ESPL1: variants seen among roughly 807,000 people sequenced by gnomAD.
The protein encoded by ESPL1 is extra spindle pole bodies like 1, separase.
A neutral mutation model predicts 217.2 loss-of-function variants in ESPL1; 50 were observed. The observed-to-expected ratio is 0.23, with a 90% CI of 0.18 to 0.29. ESPL1 has a LOEUF of 0.29. ESPL1 is among the 10% of genes least tolerant of loss of function. ESPL1 has a pLI of 1.00. For synonymous variants in ESPL1, 994 were observed against 1,081.3 expected (o/e 0.92, Z 1.58); for missense variants, 1,834 against 2,603.0 (o/e 0.70, Z 6.43).
intron 25 of ESPL1, among the ~76,000 whole-genome samples, chr12:53,291,291 C>T (rs1367039426): frequency 1.5e-5 from 2 of 133,692 alleles, no homozygotes; most frequent in Non-Finnish European, 3.2e-5. Context: ...AGTGAGACTC[C>T]ATCTCAAAAA....
In ESPL1 at chr12:53,288,171, A is replaced by C. The variant is rs746968098; in HGVS notation, c.4376A>C (p.Lys1459Thr). 2 of 1,612,598 alleles carry C rather than the reference A, an allele frequency of 1.2e-6. 1 individual carries two copies. Among genetic ancestry groups the C allele is most frequent in the South Asian group, 2.2e-5 (2 of 90,922 alleles). Residue 1459 changes from lysine (K) to threonine (T), a missense_variant, in exon 19 of 31, where the codon AAG (lysine) becomes ACG (threonine). Physicochemically the swap from Lys to Thr is moderately conservative, Grantham distance 78. This residue lies in a region of ESPL1 where 681 missense variants were observed against 808.0 expected (regional missense o/e 0.84). Transcript: ENST00000257934. Reference protein sequence around the residue: ...PGLNGRSRRAKKVASRHCEER... With the variant: ...PGLNGRSRRATKVASRHCEER... ...CTGAATGGCAGGAGCCGGAGGGCCAAGAAGGTGGCATCAAGACATTGTGAG... is the reference window on the plus strand; with the variant it reads ...CTGAATGGCAGGAGCCGGAGGGCCACGAAGGTGGCATCAAGACATTGTGAG...
At chr12:53,274,514 G>A in intron 6 of ESPL1, 1 of 270,090 alleles carries the variant, frequency 3.7e-6, no homozygotes. Flanking sequence ...CATCAGAGAT[G>A]GCCCCACATT....
At chr12:53,273,088 T>A (rs2120888725) in intron 6 of ESPL1, among the ~76,000 whole-genome samples, 1 of 147,722 alleles carries the variant, frequency 6.8e-6, no homozygotes, top group East Asian at 2.0e-4. Context: ...CAGGCTGGAG[T>A]GCAGTGGCAC....
chr12:53,289,545 C>T lies in ESPL1; in HGVS notation c.5064C>T (p.Pro1688=), dbSNP rs748972297. 1.2e-6 allele frequency: 2 copies of T among 1,614,194 alleles called. No homozygotes were observed. The highest frequency in any genetic ancestry group is 2.2e-5 in the East Asian group (1 of 44,878). ...GGGCTTTGGAATCTGGCCACTTCCC[C>T]CAGCCTGAAAAGGAGAGTTTCCAGG... ...SFRALESGHF[P]QPEKESFQER... The change falls in exon 22 of 31, where the codon CCC becomes CCT. Residue 1688 remains proline (P), a synonymous_variant. Coordinates refer to ENST00000257934, the MANE Select transcript of ESPL1 (RefSeq NM_012291.5).
chr12:53,279,980 A>G (rs544901374), intron 12 of ESPL1, 114 bp downstream of exon 12: 1 of 1,208,570 alleles, frequency 8.3e-7, no homozygotes, highest in African/African-American at 1.6e-5. Context: ...TACCACCACA[A>G]CTGGCTGGAG....
In ESPL1 at chr12:53,278,902, C is replaced by T. The variant is rs527638237; in HGVS notation, c.2365-830C>T. ...CACCCAGCTTTCCGCCCCGCCCCCC[C>T]GCCGAGATAGAGTCTTGCTCTGTTA... On this transcript the variant is annotated intron_variant, in intron 11 of 30. Transcript: ENST00000257934. Among the ~76,000 whole-genome samples, 205 of 150,440 alleles carry T rather than the reference C, an allele frequency of 1.4e-3. 3 individuals carry two copies. The highest frequency in any genetic ancestry group is 4.0e-4 in the East Asian group (2 of 4,970).
intron 12 of ESPL1, 132 bp downstream of exon 12, chr12:53,279,998 G>T: frequency 9.3e-7 from 1 of 1,071,034 alleles, no homozygotes; most frequent in East Asian, 2.7e-5. Flanking sequence ...GAGAATTGTG[G>T]AGTGTGGAGC....
At position 53,288,163 on chromosome 12, in the gene ESPL1, G is replaced by A. The variant is rs1288937290; in HGVS notation, c.4368G>A (p.Arg1456=). 6.2e-7 allele frequency: 1 copy of A among 1,612,820 alleles called. No homozygotes were observed. The highest frequency in any genetic ancestry group is 1.7e-5 in the Admixed American group (1 of 59,786). The change falls in exon 19 of 31, where the codon CGG becomes CGA. Residue 1456 remains arginine, a synonymous_variant. Transcript: ENST00000257934. ...PGNPGLNGRS[R]RAKKVASRHC... is the part of the protein sequence containing the mutation. ...ACCCTGGCCTGAATGGCAGGAGCCG[G>A]AGGGCCAAGAAGGTGGCATCAAGAC...
At position 53,282,488 on chromosome 12, in the gene ESPL1, C is replaced by A; in HGVS notation, c.2791+53C>A. 1 of 1,533,712 alleles carries A rather than the reference C, an allele frequency of 6.5e-7. No homozygotes were observed. The highest frequency in any genetic ancestry group is 9.0e-7 in the Non-Finnish European group (1 of 1,114,346). ...TTGGATGACATGTATGGTCTGTCTG[C>A]TGTCAGCTCTTCTCAAACCTCATCC... On this transcript the variant is annotated intron_variant, in intron 14 of 30. Transcript: ENST00000257934. This position sits in a 1 kb window ranked among gnomAD's most constrained non-coding sequence, Gnocchi z 4.0.
intron 17 of ESPL1, 104 bp from the exon 18 acceptor site, chr12:53,285,820 G>T (rs373214824): frequency 1.3e-6 from 1 of 770,650 alleles, no homozygotes; most frequent in Non-Finnish European, 2.1e-6. Flanking sequence ...ATACACGTAC[G>T]TATATAAAAC....
At position 53,292,104 on chromosome 12, in the gene ESPL1, T is replaced by G. The variant is rs763603639; in HGVS notation, c.5796+16T>G. 5 of 1,598,328 alleles carry G rather than the reference T, an allele frequency of 3.1e-6. No individual in the cohort carries two copies. The Admixed American group carries it at 6.7e-5, about 21-fold the overall frequency. On this transcript the variant is annotated intron_variant, in intron 27 of 30. Coordinates refer to ENST00000257934, the MANE Select transcript of ESPL1 (RefSeq NM_012291.5). This position sits in a 1 kb window ranked among gnomAD's most constrained non-coding sequence, Gnocchi z 4.5. ...CATCAAAGAGGTGGGGTTCAGGGCG[T>G]AGTGTCTGGGGATGACTGGCGACTG...
intron 17 of ESPL1, among the ~76,000 whole-genome samples, chr12:53,284,995 T>C (rs1288788548): frequency 8.7e-6 from 1 of 114,866 alleles, no homozygotes; most frequent in Admixed American, 1.2e-4. Flanking sequence ...CGGGTGACAG[T>C]GCGAGACTCT....
chr12:53,274,724 T>G, intron 6 of ESPL1, 93 bp from the exon 7 acceptor site: 2 of 1,021,082 alleles, frequency 2.0e-6, no homozygotes, highest in Admixed American at 2.0e-5. Flanking sequence ...CGCCCCCTCA[T>G]GTGGTGTATG....
intron 22 of ESPL1, 66 bp from the exon 23 acceptor site, chr12:53,290,019 G>T (rs1944024078): frequency 6.4e-7 from 1 of 1,561,180 alleles, no homozygotes; most frequent in Non-Finnish European, 8.7e-7. Flanking sequence ...TAGGAATTGA[G>T]TGCCCAAGAC....
At chr12:53,287,840 GAAGT>G (rs1943976179) in intron 18 of ESPL1, 128 bp from the exon 19 acceptor site, 4 of 856,376 alleles carry the variant, frequency 4.7e-6, no homozygotes, top group Non-Finnish European at 7.2e-6. Flanking sequence ...TGTCATGTGA[GAAGT>G]TAGTTCTGAA....
In ESPL1 at chr12:53,273,836, GTTTTTTTTTTTTTTT is replaced by G. The variant is rs71096001; in HGVS notation, c.1507-965_1507-951del. ...GAGAACCTGGGTTCTTGGTTTTTTG[GTTTTTTTTTTTTTTT>G]TTTTTTTTTTTTTTTGGAGACTGAG... On this transcript the variant is annotated intron_variant, in intron 6 of 30. Coordinates refer to ENST00000257934, the MANE Select transcript of ESPL1 (RefSeq NM_012291.5). Among the ~76,000 whole-genome samples, 8 of 63,168 alleles carry G rather than the reference GTTTTTTTTTTTTTTT, an allele frequency of 1.3e-4. No individual in the cohort carries two copies. The South Asian group carries it at 2.2e-3, about 17-fold the overall frequency. 41.4% of individuals were successfully genotyped at this position (63,168 alleles called of 152,430 possible).
chr12:53,277,317 T>G, intron 9 of ESPL1, 90 bp downstream of exon 9: 1 of 1,509,782 alleles, frequency 6.6e-7, no homozygotes, highest in South Asian at 1.3e-5. Flanking sequence ...CCCTTTTTTT[T>G]GTTCGTTATT....
At chr12:53,283,972 C>A in intron 16 of ESPL1, 86 bp from the exon 17 acceptor site, 1 of 994,630 alleles carries the variant, frequency 1.0e-6, no homozygotes, top group Non-Finnish European at 1.6e-6. Context: ...ACTCAGGTAG[C>A]TTGGCCTGGG....
chr12:53,268,900 TTG>T (rs777920507), intron 2 of ESPL1, 53 bp downstream of exon 2: 3 of 1,540,820 alleles, frequency 1.9e-6, no homozygotes, highest in Non-Finnish European at 8.9e-7. Flanking sequence ...CTGAGCTGTT[TTG>T]TGTTTGCCTT....
Sources: allele counts gnomAD v4.1 joint callset (sites outside exome capture counted in the v4.1 genomes callset), GRCh38; gene constraint gnomAD v4.1.1; regional missense constraint gnomAD v4.1.1; non-coding constraint Gnocchi (gnomAD v3.1); transcripts MANE v1.5; gene names NCBI Gene and HGNC (gene_info 2026-07-23, HGNC 2026-07-21).